Variants in DGKI observed in about 807,000 individuals in gnomAD.
DGKI encodes diacylglycerol kinase iota, also known as DAG kinase iota.
A neutral mutation model predicts 147.5 loss-of-function variants in DGKI; 55 were observed. That is an observed-to-expected ratio of 0.37 (90% CI 0.30 to 0.47). The LOEUF (loss-of-function observed/expected upper bound fraction) is 0.47, where lower values mean the gene tolerates loss of function less well. Among genes scored for constraint, DGKI ranks in the 20% least tolerant of loss-of-function variants. The pLI, the probability that DGKI is intolerant of heterozygous loss-of-function variation, is 1.00. For missense variants in DGKI, 1,007 were observed against 1,323.8 expected (o/e 0.76, Z 3.71); for synonymous variants, 469 against 477.1 (o/e 0.98, Z 0.22).
At chr7:137,494,140 T>C (rs776454230) in intron 21 of DGKI, among the ~76,000 whole-genome samples, 2 of 151,732 alleles carry the variant, frequency 1.3e-5, no homozygotes, top group Non-Finnish European at 2.9e-5. Context: ...TGAAGAAGAA[T>C]GAACAAAATG....
intron 6 of DGKI, among the ~76,000 whole-genome samples, chr7:137,643,290 CAAAAAAAAAA>C (rs10541603): frequency 1.6e-5 from 1 of 61,656 alleles, no homozygotes; most frequent in African/African-American, 7.2e-5. Flanking sequence ...GACTCCGTCT[CAAAAAAAAAA>C]AAAAAAAAAA....
intron 23 of DGKI, among the ~76,000 whole-genome samples, chr7:137,479,667 T>C (rs1388810311): frequency 1.3e-5 from 2 of 152,190 alleles, no homozygotes; most frequent in African/African-American, 4.8e-5. Flanking sequence ...ATTCTTTTTC[T>C]TTCATAAAAT....
intron 10 of DGKI, among the ~76,000 whole-genome samples, chr7:137,606,070 A>G (rs964578450): frequency 3.9e-5 from 6 of 152,222 alleles, no homozygotes; most frequent in African/African-American, 1.4e-4. Context: ...TATGTACTCC[A>G]TAAGTATGTA....
At chr7:137,412,464 G>A (rs200554146) in intron 28 of DGKI, among the ~76,000 whole-genome samples, 10 of 152,176 alleles carry the variant, frequency 6.6e-5, no homozygotes, top group East Asian at 3.9e-4. Context: ...CTGGAGTCAC[G>A]CAAATTGGGT....
At chr7:137,480,799 A>T (rs1307795606) in intron 23 of DGKI, among the ~76,000 whole-genome samples, 2 of 152,118 alleles carry the variant, frequency 1.3e-5, no homozygotes, top group Non-Finnish European at 2.9e-5. Context: ...CTAAAATCTC[A>T]AGTTATAATT....
intron 12 of DGKI, among the ~76,000 whole-genome samples, chr7:137,596,829 G>T (rs1392621799): frequency 6.6e-6 from 1 of 152,182 alleles, no homozygotes; most frequent in Non-Finnish European, 1.5e-5. Context: ...TGTGCTAAGA[G>T]AGATAGTATT....
chr7:137,625,649 G>C (rs1820910089), intron 6 of DGKI, among the ~76,000 whole-genome samples: 1 of 151,452 alleles, frequency 6.6e-6, no homozygotes, highest in East Asian at 2.0e-4. Flanking sequence ...TGTAATTCCA[G>C]GACTTTGGGA....
intron 1 of DGKI, among the ~76,000 whole-genome samples, chr7:137,757,108 A>C (rs541367478): frequency 6.6e-6 from 1 of 151,978 alleles, no homozygotes; most frequent in African/African-American, 2.4e-5. Context: ...GCCGCCCCTG[A>C]CTTTTCAAAG....
intron 27 of DGKI, among the ~76,000 whole-genome samples, chr7:137,444,935 G>A (rs1244850172): frequency 6.6e-6 from 1 of 152,150 alleles, no homozygotes; most frequent in Non-Finnish European, 1.5e-5. Flanking sequence ...TATATTCAGA[G>A]TTGTTGAAAT....
chr7:137,559,172 C>T (rs1334173252), intron 19 of DGKI, among the ~76,000 whole-genome samples: 3 of 139,062 alleles, frequency 2.2e-5, no homozygotes, highest in East Asian at 2.2e-4. Flanking sequence ...CCCGGGTTCA[C>T]GCCATTCTCC....
chr7:137,437,254 A>T (rs1222509140), intron 28 of DGKI, among the ~76,000 whole-genome samples: 3 of 152,224 alleles, frequency 2.0e-5, no homozygotes, highest in Non-Finnish European at 4.4e-5. Flanking sequence ...TTCTCTTCCC[A>T]CAAAAAGACG....
intron 27 of DGKI, among the ~76,000 whole-genome samples, chr7:137,448,954 T>C (rs1352701347): frequency 6.6e-6 from 1 of 152,086 alleles, no homozygotes; most frequent in Admixed American, 6.5e-5. Context: ...TAATTAAAAA[T>C]CTATTAAGAT....
intron 1 of DGKI, among the ~76,000 whole-genome samples, chr7:137,756,326 T>C (rs1795679889): frequency 6.6e-6 from 1 of 152,168 alleles, no homozygotes; most frequent in Non-Finnish European, 1.5e-5. Flanking sequence ...AATGGAAATA[T>C]ACCCTCAGCT....
intron 27 of DGKI, among the ~76,000 whole-genome samples, chr7:137,447,677 T>A (rs1431969917): frequency 2.6e-5 from 4 of 152,192 alleles, no homozygotes; most frequent in African/African-American, 9.6e-5. Flanking sequence ...GAGAAATAAG[T>A]GGCAAGGGCC....
chr7:137,785,493 C>CA (rs962810515), intron 1 of DGKI, among the ~76,000 whole-genome samples: 21 of 144,788 alleles, frequency 1.5e-4, no homozygotes, highest in Middle Eastern at 3.5e-3. Context: ...AAATTGCCAA[C>CA]AAAAAAAAAA....
intron 10 of DGKI, among the ~76,000 whole-genome samples, chr7:137,604,740 CT>C (rs1820113216): frequency 6.6e-6 from 1 of 152,074 alleles, no homozygotes; most frequent in Admixed American, 6.6e-5. Flanking sequence ...AAGTTAAAGT[CT>C]AGGTCACTGG....
At chr7:137,569,960 C>A (rs927938797) in intron 19 of DGKI, among the ~76,000 whole-genome samples, 1 of 151,826 alleles carries the variant, frequency 6.6e-6, no homozygotes, top group Non-Finnish European at 1.5e-5. Flanking sequence ...GATGAGTTAA[C>A]AAGGGCCATC....
Position 137,400,902 on chromosome 7 carries a change from C to G in DGKI, c.2921-3489G>C, listed in dbSNP as rs143720739. ...GGCCAAGAAGAGGCAAAAGTAGCAG[C>G]CAGCTGACTACAGATGGGAATGGGC... On this transcript the variant is annotated intron_variant, in intron 30 of 32. Coordinates refer to ENST00000614521, the MANE Select transcript of DGKI (RefSeq NM_001321708.2). Among the ~76,000 whole-genome samples, 521 of 152,322 alleles carry G rather than the reference C, an allele frequency of 3.4e-3. 6 individuals are homozygous for G. The highest frequency in any genetic ancestry group is 0.011 in the African/African-American group (446 of 41,578).
Position 137,463,122 on chromosome 7 carries a change from G to A in DGKI, c.2735+367C>T, listed in dbSNP as rs145979628. 5.4e-3 allele frequency among the ~76,000 whole-genome samples: 817 copies of A among 152,256 alleles called. 10 individuals are homozygous for A. Among genetic ancestry groups the A allele is most frequent in the African/African-American group, 0.019 (788 of 41,534 alleles). ...AATGTGTTCACAAATGAAAAACCAC[G>A]TGTCACTTTCAAGCTACTCATGATC... On this transcript the variant is annotated intron_variant, in intron 27 of 32. Coordinates refer to ENST00000614521, the MANE Select transcript of DGKI (RefSeq NM_001321708.2).
Sources: gnomAD v4.1 joint callset for allele counts (sites outside exome capture counted in the v4.1 genomes callset) on GRCh38, gnomAD v4.1.1 for gene constraint, MANE v1.5 for transcripts, NCBI Gene and HGNC (gene_info 2026-07-23, HGNC 2026-07-21) for gene names.